TAMM41: variants seen among roughly 807,000 people sequenced by gnomAD.
TAMM41 encodes the protein phosphatidate cytidylyltransferase, mitochondrial.
A neutral mutation model predicts 44.1 loss-of-function variants in TAMM41; 36 were observed. The observed-to-expected ratio is 0.82, with a 90% CI of 0.63 to 1.08. TAMM41 has a LOEUF of 1.08. TAMM41 is among the 50% of genes least tolerant of loss of function. The pLI, the probability that TAMM41 is intolerant of heterozygous loss-of-function variation, is 0.00. For synonymous variants in TAMM41, 164 were observed against 153.1 expected (o/e 1.07, Z -0.53); for missense variants, 417 against 404.3 (o/e 1.03, Z -0.27).
Position 11,839,286 on chromosome 3 carries a change from T to C in TAMM41, c.347A>G (p.Asn116Ser), listed in dbSNP as rs7641243. 0.12 allele frequency: 192,708 copies of C among 1,610,454 alleles called. 13,000 individuals carry two copies. Among genetic ancestry groups the C allele is most frequent in the East Asian group, 0.22 (9,898 of 44,798 alleles). The change falls in exon 3 of 8, where the codon AAC (asparagine) becomes AGC (serine). Residue 116 changes from asparagine to serine, a missense_variant. Coordinates refer to ENST00000455809, the MANE Select transcript of TAMM41 (RefSeq NM_001284401.2). ...GTTGAGGAGATCTTCAATCAGAACG[T>C]TAGTGCTAATAACTCCATATTTGAT... ...RLIKYGVIST[N>S]VLIEDLLNWN... is the part of the protein sequence containing the mutation.
chr3:11,769,455 A>G, the TAMM41 span, among the ~76,000 whole-genome samples: 1 of 151,744 alleles, frequency 6.6e-6, no homozygotes, highest in African/African-American at 2.4e-5. Flanking sequence ...TTAAGGGGTC[A>G]GCAGGCCAAA....
rs141405771 is a variant in TAMM41, at chr3:11,835,615, C to A, written c.411+3607G>T. 1.8e-3 allele frequency among the ~76,000 whole-genome samples: 280 copies of A among 152,312 alleles called. 1 individual carries two copies. Among genetic ancestry groups the A allele is most frequent in the Middle Eastern group, 6.8e-3 (2 of 294 alleles). ...GTGCTTACATTCTGAGATTTCATGG[C>A]ATTTCAGCTTTCTAAAGCCTTTTTT... On this transcript the variant is annotated intron_variant, in intron 3 of 7. Transcript: ENST00000455809.
chr3:11,811,437 A>C (rs2078083804), intron 5 of TAMM41: 1 of 152,222 alleles, frequency 6.6e-6, no homozygotes, highest in Admixed American at 6.5e-5. Flanking sequence ...ACATATAAAA[A>C]AATTAGAAAG....
intron 5 of TAMM41, 196 bp from the exon 6 acceptor site, chr3:11,809,878 G>A (rs959304652): frequency 4.1e-6 from 2 of 493,062 alleles, no homozygotes; most frequent in Non-Finnish European, 3.5e-6. Context: ...CCTTCAAAAA[G>A]GACAATTCTT....
At position 11,829,818 on chromosome 3, in the gene TAMM41, A is replaced by G; in HGVS notation, c.458T>C (p.Leu153Pro). The change falls in exon 4 of 8, where the codon CTC becomes CCC. Residue 153 changes from leucine to proline, a missense_variant. Transcript: ENST00000455809. ...VNEDVTLRSA[L>P]DRNLKSAVTA... ...CACAGCACTCTTCAGATTTCTATCG[A>G]GGGCTGATCTAAGAGTGACATCCTC... is the stretch of plus-strand genomic sequence containing the variant. 1.2e-6 allele frequency: 2 copies of G among 1,614,204 alleles called. No homozygotes were observed. Among genetic ancestry groups the G allele is most frequent in the Non-Finnish European group, 1.7e-6 (2 of 1,180,026 alleles).
rs374694283 is a variant in TAMM41, at chr3:11,795,169, T to G, written c.938-4588A>C. The stretch of plus-strand genomic sequence containing the variant: ...TTTAGGAGCAAGACTGAACCTGTCT[T>G]GTTAATTTAGTTTAGTTGAATCTTT... On this transcript the variant is annotated intron_variant, in intron 7 of 7. Coordinates refer to ENST00000455809, the MANE Select transcript of TAMM41 (RefSeq NM_001284401.2). 7.9e-5 allele frequency among the ~76,000 whole-genome samples: 12 copies of G among 152,294 alleles called. No homozygotes were observed. In the South Asian group the frequency reaches 2.3e-3, roughly 29 times the overall value.
downstream of TAMM41, among the ~76,000 whole-genome samples, chr3:11,788,131 C>A (rs2077427662): frequency 6.6e-6 from 1 of 152,130 alleles, no homozygotes; most frequent in Non-Finnish European, 1.5e-5. Context: ...TCTCCAGAGG[C>A]CTGATTCCAT....
At chr3:11,738,727 C>T in the TAMM41 span, among the ~76,000 whole-genome samples, 1 of 152,188 alleles carries the variant, frequency 6.6e-6, no homozygotes, top group East Asian at 1.9e-4. Context: ...TCCCCTATTC[C>T]TCATACCTGT....
At chr3:11,773,085 T>G in the TAMM41 span, among the ~76,000 whole-genome samples, 1 of 152,074 alleles carries the variant, frequency 6.6e-6, no homozygotes, top group African/African-American at 2.4e-5. Context: ...TCCTCCCGAG[T>G]AGCTGGGATT....
chr3:11,754,543 ATT>A, the TAMM41 span, among the ~76,000 whole-genome samples: 14 of 151,642 alleles, frequency 9.2e-5, no homozygotes, highest in African/African-American at 2.2e-4. Context: ...TTTTAAAAAA[ATT>A]TTTTATAGAG....
At chr3:11,844,884 T>A (rs2079606547) in intron 1 of TAMM41, 1 of 456,200 alleles carries the variant, frequency 2.2e-6, no homozygotes, top group Non-Finnish European at 4.4e-6. Flanking sequence ...ATGCAAAATG[T>A]ACTAACTGCA....
Position 11,823,254 on chromosome 3 carries a change from G to T in TAMM41, c.563-5917C>A, listed in dbSNP as rs112091926. 2.0e-3 allele frequency among the ~76,000 whole-genome samples: 257 copies of T among 126,734 alleles called. 1 individual carries two copies. The highest frequency in any genetic ancestry group is 5.8e-3 in the African/African-American group (204 of 35,064). The allele number at this position is 126,734 out of a possible 152,430, so 83.1% of individuals were successfully genotyped here. On this transcript the variant is annotated intron_variant, in intron 4 of 7. Transcript: ENST00000455809. The stretch of plus-strand genomic sequence containing the variant: ...TTTTCATTGTTTTGTTGTTGTTGTT[G>T]TTTTTTTTTTTTTTTTTTTGAGACA...
chr3:11,734,283 G>A, the TAMM41 span, among the ~76,000 whole-genome samples: 1 of 152,196 alleles, frequency 6.6e-6, no homozygotes, highest in African/African-American at 2.4e-5. Context: ...GAAGCTGGGG[G>A]AGGAGTAGAA....
the TAMM41 span, among the ~76,000 whole-genome samples, chr3:11,732,054 G>A: frequency 5.3e-5 from 8 of 151,880 alleles, no homozygotes; most frequent in Admixed American, 6.6e-5. Context: ...TTTAGTGGAG[G>A]CGTGGTTTCG....
chr3:11,776,355 G>A, the TAMM41 span, among the ~76,000 whole-genome samples: 2 of 151,890 alleles, frequency 1.3e-5, no homozygotes, highest in Non-Finnish European at 2.9e-5. Flanking sequence ...GTCTCACTAT[G>A]TTGCTCAGGC....
chr3:11,846,361 G>A (rs1468902486), intron 1 of TAMM41, 141 bp downstream of exon 1: 1 of 984,732 alleles, frequency 1.0e-6, no homozygotes, highest in Admixed American at 2.2e-5. Context: ...ATACTAGGAA[G>A]GCAGGCCTAT....
intron 4 of TAMM41, among the ~76,000 whole-genome samples, chr3:11,819,187 C>T (rs2078410867): frequency 6.6e-6 from 1 of 152,328 alleles, no homozygotes; most frequent in African/African-American, 2.4e-5. Context: ...GAAACCCCAT[C>T]TCTGGAGCAA....
intron 2 of TAMM41, among the ~76,000 whole-genome samples, chr3:11,840,533 C>A (rs1199822966): frequency 6.6e-6 from 1 of 152,082 alleles, no homozygotes; most frequent in Non-Finnish European, 1.5e-5. Context: ...CCATGCCCGG[C>A]CTGATTAAAC....
chr3:11,806,819 T>C (rs962536126), intron 7 of TAMM41, among the ~76,000 whole-genome samples: 4 of 152,100 alleles, frequency 2.6e-5, no homozygotes. Flanking sequence ...TTCAGAGCAC[T>C]GGGGAAAAAT....
Sources: allele counts gnomAD v4.1 joint callset (sites outside exome capture counted in the v4.1 genomes callset), GRCh38; gene constraint gnomAD v4.1.1; transcripts MANE v1.5; gene names NCBI Gene and HGNC (gene_info 2026-07-23, HGNC 2026-07-21).